The following GALNT7 variants were observed in gnomAD, a reference collection of about 807,000 sequenced individuals.
GALNT7 encodes N-acetylgalactosaminyltransferase 7.
A neutral mutation model predicts 82.1 loss-of-function variants in GALNT7; 60 were observed. The ratio of observed to expected loss-of-function variants is 0.73; its 90% CI spans 0.59 to 0.91. The LOEUF (loss-of-function observed/expected upper bound fraction) is 0.91. Among genes scored for constraint, GALNT7 ranks in the 40% least tolerant of loss-of-function variants. The probability of loss-of-function intolerance (pLI) is 0.00; values close to 1 mark genes in which losing one functional copy is unlikely to be tolerated. For synonymous variants in GALNT7, 243 were observed against 275.1 expected (o/e 0.88, Z 1.15); for missense variants, 660 against 804.2 (o/e 0.82, Z 2.17).
chr4:173,258,912 T>C (rs1302218910), intron 2 of GALNT7, among the ~76,000 whole-genome samples: 1 of 152,236 alleles, frequency 6.6e-6, no homozygotes. Flanking sequence ...TTTTCTTGCC[T>C]CCTAAGACAG....
At chr4:173,281,937 C>T (rs575002678) in intron 2 of GALNT7, among the ~76,000 whole-genome samples, 3 of 152,054 alleles carry the variant, frequency 2.0e-5, no homozygotes, top group South Asian at 2.1e-4. Flanking sequence ...AACAAGTACC[C>T]GGGGTTCTTT....
intron 1 of GALNT7, among the ~76,000 whole-genome samples, chr4:173,222,523 A>G (rs1733678978): frequency 6.6e-6 from 1 of 152,186 alleles, no homozygotes; most frequent in Non-Finnish European, 1.5e-5. Flanking sequence ...TTTAAAAATT[A>G]TGCATTTGAA....
At chr4:173,246,399 T>C (rs1288975619) in intron 1 of GALNT7, among the ~76,000 whole-genome samples, 1 of 152,222 alleles carries the variant, frequency 6.6e-6, no homozygotes, top group Non-Finnish European at 1.5e-5. Context: ...ATTATCTTGT[T>C]ATATATACAC....
intron 1 of GALNT7, among the ~76,000 whole-genome samples, chr4:173,192,714 ATAT>A (rs2126642246): frequency 6.6e-6 from 1 of 152,340 alleles, no homozygotes; most frequent in South Asian, 2.1e-4. Flanking sequence ...TCAGTGGTTA[ATAT>A]TATCCTCTCC....
At chr4:173,305,498 A>G (rs918347653) in intron 8 of GALNT7, among the ~76,000 whole-genome samples, 2 of 152,246 alleles carry the variant, frequency 1.3e-5, no homozygotes, top group South Asian at 2.1e-4. Context: ...TCCAAAACCA[A>G]TATCATGGAA....
chr4:173,270,215 C>T (rs1735673420), intron 2 of GALNT7, among the ~76,000 whole-genome samples: 1 of 152,036 alleles, frequency 6.6e-6, no homozygotes, highest in African/African-American at 2.4e-5. Flanking sequence ...AAATGTTTTT[C>T]CCTTTAAACT....
At chr4:173,194,657 T>C (rs369409293) in intron 1 of GALNT7, among the ~76,000 whole-genome samples, 1 of 152,334 alleles carries the variant, frequency 6.6e-6, no homozygotes, top group African/African-American at 2.4e-5. Flanking sequence ...TTTTATGTTA[T>C]ATTTTGAGTT....
chr4:173,178,007 C>CTCTGTG (rs1478850695), intron 1 of GALNT7, among the ~76,000 whole-genome samples: 30 of 137,766 alleles, frequency 2.2e-4, no homozygotes, highest in African/African-American at 8.3e-4. Context: ...ATCCGCAAGT[C>CTCTGTG]TGTGTGTGTG....
At chr4:173,229,223 A>G (rs1172235940) in intron 1 of GALNT7, among the ~76,000 whole-genome samples, 1 of 152,176 alleles carries the variant, frequency 6.6e-6, no homozygotes, top group Non-Finnish European at 1.5e-5. Context: ...ACAATTTATT[A>G]CATCTTAATA....
Position 173,276,731 on chromosome 4 carries a change from C to T in GALNT7, c.588-15377C>T, listed in dbSNP as rs78093013. On this transcript the variant is annotated intron_variant, in intron 2 of 11. Coordinates refer to ENST00000265000, the MANE Select transcript of GALNT7 (RefSeq NM_017423.3). ...AACTGTAAGGCATCAGCCATTAAAACAGATTCTGTGTTTGCCAAGCAACCT... is the reference window on the plus strand; with the variant it reads ...AACTGTAAGGCATCAGCCATTAAAATAGATTCTGTGTTTGCCAAGCAACCT... Among the ~76,000 whole-genome samples, 678 of 152,270 alleles carry T rather than the reference C, an allele frequency of 4.5e-3. 4 individuals carry two copies. The highest frequency in any genetic ancestry group is 0.017 in the Middle Eastern group (5 of 294).
chr4:173,168,977 G>C lies in GALNT7; in HGVS notation c.126+16G>C. ...CAGGATGAGGGTGAGTGACCCGCCC[G>C]GCCCCCTCCGGCGGCAGCGACCGGC... On this transcript the variant is annotated intron_variant, in intron 1 of 11. Transcript: ENST00000265000. 6.2e-7 allele frequency: 1 copy of C among 1,609,982 alleles called. No individual in the cohort carries two copies. Among genetic ancestry groups the C allele is most frequent in the Non-Finnish European group, 8.5e-7 (1 of 1,177,740 alleles).
At chr4:173,236,424 T>C (rs1291386315) in intron 1 of GALNT7, among the ~76,000 whole-genome samples, 1 of 152,192 alleles carries the variant, frequency 6.6e-6, no homozygotes, top group African/African-American at 2.4e-5. Flanking sequence ...TTTTTTCTTA[T>C]CTCTCTGACA....
chr4:173,299,087 T>C lies in GALNT7; in HGVS notation c.1148+790T>C, dbSNP rs181790334. On this transcript the variant is annotated intron_variant, in intron 6 of 11. Transcript: ENST00000265000. ...CTCCTGAATGTGTCTAATCTTATTTTTCTGATCCTATGGTTCTGCTTTTGG... is the reference window on the plus strand; with the variant it reads ...CTCCTGAATGTGTCTAATCTTATTTCTCTGATCCTATGGTTCTGCTTTTGG... Among the ~76,000 whole-genome samples the C allele has an allele frequency of 2.6e-5, 4 of 152,328 alleles. No homozygotes were observed. The East Asian group carries it at 7.7e-4, about 29-fold the overall frequency.
intron 1 of GALNT7, among the ~76,000 whole-genome samples, chr4:173,209,086 ATAT>A (rs1733190814): frequency 1.3e-5 from 2 of 152,212 alleles, no homozygotes; most frequent in African/African-American, 4.8e-5. Context: ...ATTCTTACAT[ATAT>A]TTGTGCCCGT....
At chr4:173,238,437 T>C (rs758130622) in intron 1 of GALNT7, among the ~76,000 whole-genome samples, 3 of 152,228 alleles carry the variant, frequency 2.0e-5, no homozygotes, top group Non-Finnish European at 4.4e-5. Context: ...CCTTTTATTA[T>C]TTCTAAAAAG....
At chr4:173,266,871 GTGTGTGT>G (rs1561181364) in intron 2 of GALNT7, among the ~76,000 whole-genome samples, 1,314 of 51,182 alleles carry the variant, frequency 0.026, 13 homozygotes, top group Non-Finnish European at 0.036. Context: ...TGGGAAGGGT[GTGTGTGT>G]GTGTGTGTGT....
chr4:173,250,521 G>A (rs1734809349), intron 2 of GALNT7, among the ~76,000 whole-genome samples: 2 of 152,074 alleles, frequency 1.3e-5, no homozygotes, highest in Middle Eastern at 3.4e-3. Context: ...CACTTCTGAG[G>A]TCCGCTTCTT....
intron 9 of GALNT7, among the ~76,000 whole-genome samples, chr4:173,314,388 C>G (rs925792415): frequency 1.2e-4 from 19 of 152,180 alleles, no homozygotes. Context: ...CATTGGCCCC[C>G]TAGCCTGCAA....
intron 2 of GALNT7, among the ~76,000 whole-genome samples, chr4:173,291,677 C>G (rs1458353453): frequency 2.6e-5 from 4 of 151,352 alleles, no homozygotes; most frequent in Non-Finnish European, 1.5e-5. Flanking sequence ...TAAAACATAG[C>G]AATATAGTGT....
Sources: allele counts gnomAD v4.1 joint callset (sites outside exome capture counted in the v4.1 genomes callset), GRCh38; gene constraint gnomAD v4.1.1; transcripts MANE v1.5; gene names NCBI Gene and HGNC (gene_info 2026-07-23, HGNC 2026-07-21).